The following ZFYVE28 variants were observed in gnomAD, a reference collection of about 807,000 sequenced individuals.
ZFYVE28 encodes the protein lateral signaling target protein 2 homolog.
In ZFYVE28, 40 loss-of-function variants were observed where a neutral mutation model predicts 82.1. The ratio of observed to expected loss-of-function variants is 0.49; its 90% CI spans 0.38 to 0.63. The LOEUF (loss-of-function observed/expected upper bound fraction) is 0.63, where lower values mean the gene tolerates loss of function less well. Ranked by LOEUF, ZFYVE28 falls within the 30% of genes least tolerant of loss-of-function variation. The pLI is 0.00. For synonymous variants in ZFYVE28, 612 were observed against 546.1 expected, an observed-to-expected ratio of 1.12 and a Z score of -1.68; for missense variants, 1,321 against 1,242.1, an observed-to-expected ratio of 1.06 and a Z score of -0.96.
chr4:2,404,700 A>G (rs546155575), intron 1 of ZFYVE28, among the ~76,000 whole-genome samples: 4 of 152,310 alleles, frequency 2.6e-5, no homozygotes, highest in Admixed American at 1.3e-4. Context: ...GAGTGACTAC[A>G]TAATAGAAAC....
rs528624048 is a variant in ZFYVE28, at chr4:2,288,415, C to T, written c.2052-14199G>A. Among the ~76,000 whole-genome samples the T allele has an allele frequency of 5.9e-5, 9 of 152,352 alleles. No individual in the cohort carries two copies. In the South Asian group the frequency reaches 1.7e-3, roughly 28 times the overall value. Reference sequence around the variant, plus strand: ...CACCTGCTACACAGTGGGGGAGCATCGGGCCCTGGGCTGGGTGCTGGGGCC... The same window carrying T: ...CACCTGCTACACAGTGGGGGAGCATTGGGCCCTGGGCTGGGTGCTGGGGCC... On this transcript the variant is annotated intron_variant, in intron 8 of 12. Coordinates refer to ENST00000290974, the MANE Select transcript of ZFYVE28 (RefSeq NM_020972.3).
At chr4:2,317,127 T>C (rs1156321936) in intron 7 of ZFYVE28, among the ~76,000 whole-genome samples, 1 of 151,968 alleles carries the variant, frequency 6.6e-6, no homozygotes, top group East Asian at 1.9e-4. Context: ...TAGCTGGGAT[T>C]ACAGGAATGC....
Position 2,304,317 on chromosome 4 carries a change from C to T in ZFYVE28, c.2023G>A (p.Glu675Lys), listed in dbSNP as rs556625985. ...ELHAGSPSAH[E>K]APQALSGSSS... ...GAGCCCGACAGGGCCTGAGGCGCCT[C>T]GTGAGCCGAGGGGCTCCCAGCATGC... The change falls in exon 8 of 13, where the codon GAG becomes AAG. Residue 675 changes from glutamate to lysine, a missense_variant. By Grantham distance (56) the Glu-to-Lys change is moderately conservative. Around this residue, in one of 2 missense-constraint regions of ZFYVE28, gnomAD observed 978 missense variants for 833.7 expected, o/e 1.17. Transcript: ENST00000290974. 1.4e-4 allele frequency: 216 copies of T among 1,597,190 alleles called. No individual in the cohort carries two copies. Among genetic ancestry groups the T allele is most frequent in the Non-Finnish European group, 1.6e-4 (191 of 1,176,506 alleles).
intron 1 of ZFYVE28, among the ~76,000 whole-genome samples, chr4:2,379,667 T>C (rs1267778899): frequency 6.6e-6 from 1 of 152,210 alleles, no homozygotes; most frequent in Non-Finnish European, 1.5e-5. Context: ...TGTAATTTTA[T>C]CCTCATGGGA....
At chr4:2,389,161 A>C (rs1043190128) in intron 1 of ZFYVE28, among the ~76,000 whole-genome samples, 1 of 151,994 alleles carries the variant, frequency 6.6e-6, no homozygotes, top group African/African-American at 2.4e-5. Flanking sequence ...TCCCCCTACA[A>C]TCCTAATGGC....
intron 8 of ZFYVE28, among the ~76,000 whole-genome samples, chr4:2,283,722 C>T (rs1201854397): frequency 1.3e-5 from 2 of 152,216 alleles, no homozygotes; most frequent in Non-Finnish European, 2.9e-5. Context: ...TTAATTATCA[C>T]ACACGGAAAG....
chr4:2,305,098 G>C lies in ZFYVE28; in HGVS notation c.1242C>G (p.Ala414=). The change falls in exon 8 of 13, where the codon GCC becomes GCG. Residue 414 remains alanine, a synonymous_variant. Coordinates refer to ENST00000290974, the MANE Select transcript of ZFYVE28 (RefSeq NM_020972.3). ...DDVEGTAEAL[A]RPESPAGPFG... is the part of the protein sequence containing the mutation. ...ATGGGCCAGCTGGGGACTCGGGCCT[G>C]GCCAGGGCTTCTGCCGTCCCCTCCA... 6.2e-7 allele frequency: 1 copy of C among 1,603,646 alleles called. No individual in the cohort carries two copies. Among genetic ancestry groups the C allele is most frequent in the Non-Finnish European group, 8.5e-7 (1 of 1,174,596 alleles).
chr4:2,355,199 AATATATATATATATATATATATATAT>A (rs71167785), intron 1 of ZFYVE28, among the ~76,000 whole-genome samples: 30 of 48,948 alleles, frequency 6.1e-4, no homozygotes, highest in African/African-American at 6.7e-4. Flanking sequence ...AGTCCTTGAA[AATATATATATATATATATATATATAT>A]ATATATATAT....
intron 5 of ZFYVE28, among the ~76,000 whole-genome samples, chr4:2,337,057 G>T (rs1721930050): frequency 1.3e-5 from 2 of 152,014 alleles, no homozygotes; most frequent in African/African-American, 2.4e-5. Flanking sequence ...GGAGTGAGGG[G>T]GTGAGGAAGG....
chr4:2,355,904 T>A (rs1217132579), intron 1 of ZFYVE28, among the ~76,000 whole-genome samples: 1 of 152,214 alleles, frequency 6.6e-6, no homozygotes, highest in East Asian at 1.9e-4. Context: ...AAAAGGACTC[T>A]TTATAATCAC....
At position 2,341,951 on chromosome 4, in the gene ZFYVE28, C is replaced by G. The variant is rs1237501650; in HGVS notation, c.181-336G>C. ...AGGAGAATCACTTGAACCAGGGAGG[C>G]AGAGGTTGCAGTGAGCCGAGATGGT... is the stretch of plus-strand genomic sequence containing the variant. On this transcript the variant is annotated intron_variant, in intron 2 of 12. Transcript: ENST00000290974. This position sits in a 1 kb window ranked among gnomAD's most constrained non-coding sequence, Gnocchi z 4.5. Among the ~76,000 whole-genome samples, 1 of 152,144 alleles carries G rather than the reference C, an allele frequency of 6.6e-6. No homozygotes were observed. Among genetic ancestry groups the G allele is most frequent in the Non-Finnish European group, 1.5e-5 (1 of 68,026 alleles).
chr4:2,345,853 C>T (rs917382818), intron 2 of ZFYVE28, among the ~76,000 whole-genome samples: 27 of 151,570 alleles, frequency 1.8e-4, no homozygotes, highest in African/African-American at 4.6e-4. Context: ...ATTTTTCATC[C>T]GAAATAATAC....
chr4:2,338,970 C>T (rs370137768), intron 4 of ZFYVE28, among the ~76,000 whole-genome samples: 3 of 145,552 alleles, frequency 2.1e-5, no homozygotes, highest in African/African-American at 5.1e-5. Flanking sequence ...CCACCAGGCC[C>T]GGCTAATTTT....
chr4:2,305,080 A>G lies in ZFYVE28; in HGVS notation c.1260T>C (p.Ala420=). The stretch of plus-strand genomic sequence containing the variant: ...TACTGCCTGCCCACCCAAATGGGCC[A>G]GCTGGGGACTCGGGCCTGGCCAGGG... ...AEALARPESP[A]GPFGWAGSTW... Residue 420 remains alanine (A), a synonymous_variant, in exon 8 of 13, where the codon GCT becomes GCC. Coordinates refer to ENST00000290974, the MANE Select transcript of ZFYVE28 (RefSeq NM_020972.3). 6.2e-7 allele frequency: 1 copy of G among 1,609,060 alleles called. No homozygotes were observed. The highest frequency in any genetic ancestry group is 8.5e-7 in the Non-Finnish European group (1 of 1,177,576).
chr4:2,357,801 G>C (rs1189521246), intron 1 of ZFYVE28, among the ~76,000 whole-genome samples: 2 of 151,966 alleles, frequency 1.3e-5, no homozygotes, highest in Non-Finnish European at 2.9e-5. Context: ...CTCTGAGAAA[G>C]AGGACACGAG....
At chr4:2,377,281 A>G (rs143020427) in intron 1 of ZFYVE28, among the ~76,000 whole-genome samples, 2,472 of 147,400 alleles carry the variant, frequency 0.017, 91 homozygotes, top group African/African-American at 0.06. Context: ...TCGGCCTCCC[A>G]AAGTGCTGGA....
rs939055609 is a variant in ZFYVE28 at position 2,331,995 on chromosome 4, G to A, written c.701+3710C>T. The stretch of plus-strand genomic sequence containing the variant: ...TGCCGCCTCCAGCTGTTGACCCCCA[G>A]CGGTGCCTTCGCCACTGGGAGCCCC... On this transcript the variant is annotated intron_variant, in intron 6 of 12. Coordinates refer to ENST00000290974, the MANE Select transcript of ZFYVE28 (RefSeq NM_020972.3). Among the ~76,000 whole-genome samples the A allele has an allele frequency of 2.6e-5, 4 of 152,372 alleles. No individual in the cohort carries two copies. In the South Asian group the frequency reaches 8.3e-4, roughly 32 times the overall value.
chr4:2,324,244 A>G (rs1358489626), intron 6 of ZFYVE28, among the ~76,000 whole-genome samples: 2 of 152,162 alleles, frequency 1.3e-5, no homozygotes, highest in Non-Finnish European at 2.9e-5. Context: ...ATCTCAGTCT[A>G]TTTCTCTCAG....
At chr4:2,323,716 CCA>C (rs1157642926) in intron 6 of ZFYVE28, among the ~76,000 whole-genome samples, 2 of 133,790 alleles carry the variant, frequency 1.5e-5, no homozygotes, top group Non-Finnish European at 3.1e-5. Flanking sequence ...ACAACAGTCC[CCA>C]GAGTGTGATG....
Sources: allele counts gnomAD v4.1 joint callset (sites outside exome capture counted in the v4.1 genomes callset), GRCh38; gene constraint gnomAD v4.1.1; regional missense constraint gnomAD v4.1.1; non-coding constraint Gnocchi (gnomAD v3.1); transcripts MANE v1.5; gene names NCBI Gene and HGNC (gene_info 2026-07-23, HGNC 2026-07-21).